CHST9: variants seen among roughly 807,000 people sequenced by gnomAD.
The protein encoded by CHST9 is GalNAc-4-sulfotransferase 2.
In CHST9, 41 loss-of-function variants were observed where a neutral mutation model predicts 44.4. The observed-to-expected ratio is 0.92, with a 90% CI of 0.72 to 1.20. The LOEUF is 1.20. Ranked by LOEUF, CHST9 falls within the 50% of genes most tolerant of loss-of-function variation. The pLI is 0.00. For synonymous variants in CHST9, 171 were observed against 178.4 expected (o/e 0.96, Z 0.33); for missense variants, 504 against 516.5 (o/e 0.98, Z 0.23).
intron 2 of CHST9, among the ~76,000 whole-genome samples, chr18:27,132,697 G>A (rs2058481900): frequency 6.6e-6 from 1 of 152,192 alleles, no homozygotes; most frequent in South Asian, 2.1e-4. Context: ...AGAAAATGGG[G>A]TCCATTATGA....
intron 4 of CHST9, among the ~76,000 whole-genome samples, chr18:26,999,045 T>C (rs1019545647): frequency 7.2e-5 from 11 of 152,196 alleles, no homozygotes; most frequent in African/African-American, 2.7e-4. Flanking sequence ...TTGGAGCTAC[T>C]TTTCACTTGG....
At chr18:27,014,149 G>T (rs2057118183) in intron 4 of CHST9, among the ~76,000 whole-genome samples, 1 of 151,878 alleles carries the variant, frequency 6.6e-6, no homozygotes. Flanking sequence ...GTTCATCTTG[G>T]CATTACTCAT....
At chr18:26,970,626 C>A (rs1038088178) in intron 4 of CHST9, among the ~76,000 whole-genome samples, 1 of 152,138 alleles carries the variant, frequency 6.6e-6, no homozygotes, top group Non-Finnish European at 1.5e-5. Context: ...TGGGGTTTCA[C>A]CATGTTGCCC....
intron 5 of CHST9, among the ~76,000 whole-genome samples, chr18:26,918,598 T>G (rs554121707): frequency 6.6e-6 from 1 of 152,244 alleles, no homozygotes; most frequent in African/African-American, 2.4e-5. Context: ...GTCTACAGCC[T>G]ATAATAATTT....
Position 27,053,281 on chromosome 18 carries a change from A to AG in CHST9, c.122-4779dup, listed in dbSNP as rs1568151331. 1.2e-3 allele frequency among the ~76,000 whole-genome samples: 164 copies of AG among 134,510 alleles called. 7 individuals are homozygous for AG. Among genetic ancestry groups the AG allele is most frequent in the African/African-American group, 4.0e-3 (140 of 35,074 alleles). 88.2% of individuals were successfully genotyped at this position (134,510 alleles called of 152,430 possible). On this transcript the variant is annotated intron_variant, in intron 2 of 5. Coordinates refer to ENST00000618847, the MANE Select transcript of CHST9 (RefSeq NM_031422.6). ...AAGAAGGAGAAGGAGAAGGAGAAGG[A>AG]GAAGGAGAAGGAGAAGGAGAAGGAG...
chr18:26,930,271 G>T (rs2055853393), intron 5 of CHST9, among the ~76,000 whole-genome samples: 1 of 152,210 alleles, frequency 6.6e-6, no homozygotes, highest in Non-Finnish European at 1.5e-5. Context: ...GGGATTCTGA[G>T]TCCATGCTGA....
At chr18:26,958,799 ATTACTAAAAG>A (rs2145146743) in intron 4 of CHST9, among the ~76,000 whole-genome samples, 1 of 152,358 alleles carries the variant, frequency 6.6e-6, no homozygotes, top group Non-Finnish European at 1.5e-5. Flanking sequence ...TAGAATGGCT[ATTACTAAAAG>A]TCGAAACAGC....
rs372917266 is a variant in CHST9 at position 27,056,408 on chromosome 18, G to C, written c.122-7905C>G. On this transcript the variant is annotated intron_variant, in intron 2 of 5. Coordinates refer to ENST00000618847, the MANE Select transcript of CHST9 (RefSeq NM_031422.6). ...CTTTTCTGTGCTTTTTAGCTGTGGT[G>C]ATTAAGGACAATTTTGTAGAGTGGT... is the stretch of plus-strand genomic sequence containing the variant. 2.8e-4 allele frequency among the ~76,000 whole-genome samples: 42 copies of C among 152,248 alleles called. 2 individuals carry two copies. Among genetic ancestry groups the C allele is most frequent in the Middle Eastern group, 6.8e-3 (2 of 294 alleles).
intron 2 of CHST9, among the ~76,000 whole-genome samples, chr18:27,116,127 GT>G (rs2058317883): frequency 6.6e-6 from 1 of 152,094 alleles, no homozygotes; most frequent in Non-Finnish European, 1.5e-5. Flanking sequence ...GAAACACAAA[GT>G]TTTTTAATGT....
chr18:27,067,165 C>T (rs1206884999), intron 2 of CHST9, among the ~76,000 whole-genome samples: 3 of 152,068 alleles, frequency 2.0e-5, no homozygotes, highest in Admixed American at 2.0e-4. Context: ...CATATACTAA[C>T]CTATGGGAAT....
intron 4 of CHST9, among the ~76,000 whole-genome samples, chr18:26,965,584 T>A (rs1453085890): frequency 6.6e-6 from 1 of 152,180 alleles, no homozygotes; most frequent in Non-Finnish European, 1.5e-5. Context: ...TTATTTAACA[T>A]CTCTAAGCCA....
intron 5 of CHST9, among the ~76,000 whole-genome samples, chr18:26,922,904 G>A (rs550905533): frequency 6.6e-6 from 1 of 152,268 alleles, no homozygotes; most frequent in Non-Finnish European, 1.5e-5. Context: ...CCAAACTGCT[G>A]GGATTACAGG....
At chr18:27,129,445 T>C (rs1247085953) in intron 2 of CHST9, among the ~76,000 whole-genome samples, 1 of 152,088 alleles carries the variant, frequency 6.6e-6, no homozygotes, top group Non-Finnish European at 1.5e-5. Context: ...TGCAGTGCAG[T>C]GCAGTGGCAT....
At chr18:26,977,739 A>G (rs1568118302) in intron 4 of CHST9, among the ~76,000 whole-genome samples, 1 of 152,174 alleles carries the variant, frequency 6.6e-6, no homozygotes, top group Non-Finnish European at 1.5e-5. Context: ...ATTTGCTTTC[A>G]TTAGGTCAGG....
chr18:27,077,129 CT>C (rs1204992695), intron 2 of CHST9, among the ~76,000 whole-genome samples: 1 of 152,064 alleles, frequency 6.6e-6, no homozygotes, highest in African/African-American at 2.4e-5. Flanking sequence ...TGTGTGGAAA[CT>C]TTGGAACAAT....
At chr18:26,948,400 A>T (rs187969545) in intron 4 of CHST9, among the ~76,000 whole-genome samples, 23 of 152,298 alleles carry the variant, frequency 1.5e-4, no homozygotes, top group Admixed American at 3.3e-4. Context: ...TTAAAAAAAA[A>T]ATATCATACA....
At chr18:27,013,172 T>C (rs1041965363) in intron 4 of CHST9, among the ~76,000 whole-genome samples, 2 of 152,214 alleles carry the variant, frequency 1.3e-5, no homozygotes, top group Non-Finnish European at 2.9e-5. Context: ...GTGTATCCAA[T>C]AGCAACAAGT....
chr18:26,948,220 G>A (rs2056193597), intron 4 of CHST9, among the ~76,000 whole-genome samples: 1 of 152,086 alleles, frequency 6.6e-6, no homozygotes, highest in Non-Finnish European at 1.5e-5. Context: ...GCACAGGGAG[G>A]GGAACATCAC....
intron 1 of CHST9, among the ~76,000 whole-genome samples, chr18:27,146,016 C>T (rs1370279442): frequency 6.6e-6 from 1 of 152,144 alleles, no homozygotes; most frequent in Non-Finnish European, 1.5e-5. Context: ...GAGACTTTTA[C>T]AATCTGTCTA....
Sources: gnomAD v4.1 joint callset for allele counts (sites outside exome capture counted in the v4.1 genomes callset) on GRCh38, gnomAD v4.1.1 for gene constraint, MANE v1.5 for transcripts, NCBI Gene and HGNC (gene_info 2026-07-23, HGNC 2026-07-21) for gene names.